The following BCL2L14 variants were observed in gnomAD, a reference collection of about 807,000 sequenced individuals.
The protein encoded by BCL2L14 is apoptosis facilitator Bcl-2-like protein 14.
Under a neutral mutation model 35.3 loss-of-function variants are expected in BCL2L14, and 27 were observed. The ratio of observed to expected loss-of-function variants is 0.76; its 90% CI spans 0.56 to 1.05. The LOEUF (loss-of-function observed/expected upper bound fraction) is 1.05. Ranked by LOEUF, BCL2L14 falls within the 50% of genes least tolerant of loss-of-function variation. The probability of loss-of-function intolerance (pLI) is 0.00; values close to 1 mark genes in which losing one functional copy is unlikely to be tolerated. For synonymous variants in BCL2L14, 139 were observed against 145.9 expected (o/e 0.95, Z 0.34); for missense variants, 377 against 382.6 (o/e 0.99, Z 0.12).
chr12:12,098,826 C>G, intron 5 of BCL2L14, 124 bp from the exon 6 acceptor site: 4 of 742,812 alleles, frequency 5.4e-6, no homozygotes, highest in Admixed American at 4.2e-5. Context: ...AAACCCTCCC[C>G]CAAACTAACA....
chr12:12,058,938 CCT>C (rs1439385392), intron 2 of BCL2L14, among the ~76,000 whole-genome samples: 4 of 152,200 alleles, frequency 2.6e-5, no homozygotes, highest in African/African-American at 9.7e-5. Context: ...CAGTAAGCGG[CCT>C]CTTTTTACTC....
chr12:12,069,579 G>A (rs1948636185), upstream of BCL2L14, among the ~76,000 whole-genome samples: 1 of 151,764 alleles, frequency 6.6e-6, no homozygotes, highest in South Asian at 2.1e-4. Flanking sequence ...TTGGTGGCGG[G>A]CGCCTGTAGT....
intron 1 of BCL2L14, among the ~76,000 whole-genome samples, chr12:12,050,809 A>AAAAAAG (rs1565431509): frequency 1.5e-5 from 2 of 134,760 alleles, no homozygotes; most frequent in Non-Finnish European, 3.3e-5. Flanking sequence ...AAAAAAAAAA[A>AAAAAAG]AAAAGAAAAG....
chr12:12,052,401 A>T (rs1327826866), intron 2 of BCL2L14, among the ~76,000 whole-genome samples: 1 of 150,406 alleles, frequency 6.6e-6, no homozygotes. Flanking sequence ...GTCCCTGGTA[A>T]CCACCATTGT....
At chr12:12,061,563 G>A (rs377502015) in intron 2 of BCL2L14, among the ~76,000 whole-genome samples, 20 of 151,628 alleles carry the variant, frequency 1.3e-4, no homozygotes, top group Non-Finnish European at 2.1e-4. Flanking sequence ...TATCCACCCC[G>A]TGGTGCCAAA....
In BCL2L14 at chr12:12,086,821, T is replaced by C. The variant is rs192572812; in HGVS notation, c.434-392T>C. ...AATGTCCTCCTATGCATGTAGGGGC[T>C]GGCTCTTAGAGGTATAAAGCATGTC... On this transcript the variant is annotated intron_variant, in intron 2 of 5. Coordinates refer to ENST00000308721, the MANE Select transcript of BCL2L14 (RefSeq NM_138723.2). Among the ~76,000 whole-genome samples, 720 of 152,360 alleles carry C rather than the reference T, an allele frequency of 4.7e-3. 1 individual carries two copies. The highest frequency in any genetic ancestry group is 7.6e-3 in the Non-Finnish European group (519 of 68,028).
At chr12:12,060,980 A>C (rs1591805699) in intron 2 of BCL2L14, among the ~76,000 whole-genome samples, 1 of 90,212 alleles carries the variant, frequency 1.1e-5, no homozygotes, top group Non-Finnish European at 2.2e-5. Context: ...CCCACTCCAC[A>C]TTACCTTCTT....
intron 2 of BCL2L14, among the ~76,000 whole-genome samples, chr12:12,063,776 C>T (rs1040748689): frequency 6.6e-6 from 1 of 152,086 alleles, no homozygotes; most frequent in East Asian, 1.9e-4. Flanking sequence ...GATGACATTC[C>T]ACCACAAAAG....
Position 12,079,693 on chromosome 12 carries a change from T to C in BCL2L14, c.388T>C (p.Trp130Arg), listed in dbSNP as rs1359887783. Residue 130 changes from tryptophan (W) to arginine (R), a missense_variant, in exon 2 of 6, where the codon TGG (tryptophan) becomes CGG (arginine). Trp to Arg is a moderately radical substitution (Grantham distance 101). Transcript: ENST00000308721. ...ATACCAAGATTCGCACAGCCAGCAG[T>C]GGTCCAGGTGTCTTTCTAACGTGGA... The part of the protein sequence containing the change: ...LEYQDSHSQQ[W>R]SRCLSNVEQC... The C allele has an allele frequency of 2.5e-6, 4 of 1,614,058 alleles. No individual in the cohort carries two copies. The highest frequency in any genetic ancestry group is 1.7e-6 in the Non-Finnish European group (2 of 1,180,042).
chr12:12,072,031 G>A (rs1331236290), intron 1 of BCL2L14, among the ~76,000 whole-genome samples: 2 of 152,168 alleles, frequency 1.3e-5, no homozygotes, highest in Admixed American at 1.3e-4. Flanking sequence ...CCTCAACTGT[G>A]TGTCCTGAGC....
At chr12:12,057,873 C>T (rs1311567104) in intron 2 of BCL2L14, among the ~76,000 whole-genome samples, 1 of 146,306 alleles carries the variant, frequency 6.8e-6, no homozygotes, top group Non-Finnish European at 1.5e-5. Flanking sequence ...TGCCTGGGCT[C>T]CCTCAAATTC....
At chr12:12,051,961 G>T (rs985240955) in intron 2 of BCL2L14, 1 of 152,234 alleles carries the variant, frequency 6.6e-6, no homozygotes, top group South Asian at 2.1e-4. Context: ...AATTGAGTTG[G>T]AGTTGGAAAG....
At chr12:12,093,660 G>T (rs1949245671) in intron 4 of BCL2L14, among the ~76,000 whole-genome samples, 1 of 151,968 alleles carries the variant, frequency 6.6e-6, no homozygotes, top group Non-Finnish European at 1.5e-5. Context: ...GGGTGTGGTG[G>T]TGTGTGCCAG....
rs535385506 is a variant in BCL2L14, at chr12:12,072,184, G to A, written c.-8+1047G>A. On this transcript the variant is annotated intron_variant, in intron 1 of 5. Coordinates refer to ENST00000308721, the MANE Select transcript of BCL2L14 (RefSeq NM_138723.2). The stretch of plus-strand genomic sequence containing the variant: ...TGGCCGCCTCTGTGTGTGGAAACAC[G>A]AGGTGCTTGCTGCAGTTTCCTCTGT... 7 of 152,368 alleles carry A rather than the reference G, an allele frequency of 4.6e-5. No homozygotes were observed. The East Asian group carries it at 1.2e-3, about 25-fold the overall frequency. The allele number at this position is 152,368 out of a possible 1,614,324, so 9.4% of individuals were successfully genotyped here.
chr12:12,095,186 A>G, intron 5 of BCL2L14: 4 of 985,402 alleles, frequency 4.1e-6, no homozygotes, highest in Non-Finnish European at 4.8e-6. Context: ...CAGATGGAAC[A>G]GGAAATGAGG....
chr12:12,057,025 T>C (rs1470774021), intron 2 of BCL2L14, among the ~76,000 whole-genome samples: 1 of 151,460 alleles, frequency 6.6e-6, no homozygotes, highest in Non-Finnish European at 1.5e-5. Flanking sequence ...TAAAAGAACA[T>C]GTGGCAAATA....
intron 1 of BCL2L14, among the ~76,000 whole-genome samples, chr12:12,076,548 T>TATC (rs149685706): frequency 0.025 from 3,780 of 152,274 alleles, 77 homozygotes; most frequent in African/African-American, 0.046. Flanking sequence ...TGTATAATTG[T>TATC]ATCTGTGTAG....
intron 5 of BCL2L14, 45 bp from the exon 6 acceptor site, chr12:12,098,905 A>G (rs547338798): frequency 2.9e-6 from 4 of 1,375,496 alleles, no homozygotes; most frequent in Non-Finnish European, 4.2e-6. Flanking sequence ...TCACTTCAAC[A>G]GTAAATCTAA....
chr12:12,072,342 C>T (rs1948685435), intron 1 of BCL2L14: 1 of 152,330 alleles, frequency 6.6e-6, no homozygotes, highest in Non-Finnish European at 1.5e-5. Context: ...GCAGTGTGGC[C>T]TTCCCAGCCG....
Sources: gnomAD v4.1 joint callset for allele counts (sites outside exome capture counted in the v4.1 genomes callset) on GRCh38, gnomAD v4.1.1 for gene constraint, MANE v1.5 for transcripts, NCBI Gene and HGNC (gene_info 2026-07-23, HGNC 2026-07-21) for gene names.